The following YARS1 variants were observed in gnomAD, a reference collection of about 807,000 sequenced individuals.
The protein encoded by YARS1 is tyrosine--tRNA ligase, cytoplasmic.
YARS1 carries 36 observed loss-of-function variants against 62.2 expected under a neutral mutation model. That is an observed-to-expected ratio of 0.58 (90% CI 0.44 to 0.76). The LOEUF (loss-of-function observed/expected upper bound fraction) is 0.76. Among genes scored for constraint, YARS1 ranks in the 30% least tolerant of loss-of-function variants. The pLI is 0.00. For synonymous variants in YARS1, 234 were observed against 244.9 expected, an observed-to-expected ratio of 0.96 and a Z score of 0.42; for missense variants, 524 against 639.8, an observed-to-expected ratio of 0.82 and a Z score of 1.95.
intron 4 of YARS1, 194 bp from the exon 5 acceptor site, chr1:32,798,037 A>G (rs1653661691): frequency 1.9e-6 from 1 of 539,754 alleles, no homozygotes; most frequent in African/African-American, 1.9e-5. Flanking sequence ...CGCCCGGCTA[A>G]TTTTTTGTAT....
chr1:32,777,014 A>G (rs1652886063), intron 12 of YARS1, among the ~76,000 whole-genome samples: 2 of 151,176 alleles, frequency 1.3e-5, no homozygotes, highest in East Asian at 3.9e-4. Flanking sequence ...GTAGAATACT[A>G]TACAGTGCAA....
intron 11 of YARS1, 105 bp from the exon 12 acceptor site, chr1:32,779,628 A>T: frequency 6.8e-7 from 1 of 1,468,782 alleles, no homozygotes; most frequent in South Asian, 1.2e-5. Flanking sequence ...GATGGGATTT[A>T]GGGCATCCTC....
At chr1:32,801,310 C>T (rs569229755) in intron 4 of YARS1, among the ~76,000 whole-genome samples, 1 of 152,036 alleles carries the variant, frequency 6.6e-6, no homozygotes, top group Admixed American at 6.6e-5. Flanking sequence ...AATAAAGTGA[C>T]TCACTTGGAT....
At position 32,787,086 on chromosome 1, in the gene YARS1, T is replaced by C. The variant is rs751943571; in HGVS notation, c.685-11A>G. ...ATCAATCTTGGACTCCTAGAAGTCA[T>C]AGAACGGAAGAGGACCTCTTGTGGT... is the stretch of plus-strand genomic sequence containing the variant. On this transcript the variant is annotated splice_polypyrimidine_tract_variant and intron_variant, in intron 6 of 12. Transcript: ENST00000373477. 3.6e-5 allele frequency: 58 copies of C among 1,614,046 alleles called. No homozygotes were observed. The highest frequency in any genetic ancestry group is 6.7e-5 in the African/African-American group (5 of 75,052).
At chr1:32,780,664 C>T (rs1049425517) in intron 10 of YARS1, 5 of 413,572 alleles carry the variant, frequency 1.2e-5, no homozygotes, top group African/African-American at 4.1e-5. Context: ...GGGTGCATAA[C>T]CTTCTGTCTC....
At chr1:32,815,402 T>C (rs1259988254) in intron 1 of YARS1, among the ~76,000 whole-genome samples, 1 of 152,168 alleles carries the variant, frequency 6.6e-6, no homozygotes, top group East Asian at 1.9e-4. Flanking sequence ...CTAATAGTTT[T>C]GTGTATTTTT....
Position 32,797,788 on chromosome 1 carries a change from C to T in YARS1, c.566G>A (p.Arg189Lys), listed in dbSNP as rs1157783472. Residue 189 changes from arginine (R) to lysine (K), a missense_variant, in exon 5 of 13, where the codon AGA becomes AAA. Physicochemically the swap from Arg to Lys is conservative, Grantham distance 26. Transcript: ENST00000373477. Reference protein sequence around the residue: ...VDAQFGGIDQRKIFTFAEKYL... With the variant: ...VDAQFGGIDQKKIFTFAEKYL... ...CTTCTCTGCAAAGGTGAAAATCTTT[C>T]TCTGATCAATGCCTCCAAATTGGGC... is the stretch of plus-strand genomic sequence containing the variant. 6.2e-7 allele frequency: 1 copy of T among 1,614,062 alleles called. No homozygotes were observed. Among genetic ancestry groups the T allele is most frequent in the Admixed American group, 1.7e-5 (1 of 60,016 alleles).
chr1:32,803,279 A>G (rs1638350090), intron 4 of YARS1, among the ~76,000 whole-genome samples: 1 of 147,874 alleles, frequency 6.8e-6, no homozygotes, highest in Non-Finnish European at 1.5e-5. Flanking sequence ...TGCCTGGCCT[A>G]ATTCTTCTTT....
chr1:32,807,580 C>T (rs149551089), intron 3 of YARS1, among the ~76,000 whole-genome samples: 235 of 152,154 alleles, frequency 1.5e-3, no homozygotes, highest in African/African-American at 5.3e-3. Flanking sequence ...ACCTCAACCT[C>T]CAAAGGAACT....
chr1:32,808,495 C>T (rs549232398), intron 3 of YARS1, among the ~76,000 whole-genome samples: 3 of 152,266 alleles, frequency 2.0e-5, no homozygotes, highest in East Asian at 3.9e-4. Flanking sequence ...GCCACCATGC[C>T]TGGCCCTAAA....
intron 4 of YARS1, among the ~76,000 whole-genome samples, chr1:32,803,267 C>G (rs1203205073): frequency 6.6e-6 from 1 of 150,828 alleles, no homozygotes; most frequent in Non-Finnish European, 1.5e-5. Context: ...TGTGAGCCAT[C>G]ATGCCTGGCC....
At chr1:32,781,364 G>C (rs1653051144) in intron 9 of YARS1, 1 of 583,110 alleles carries the variant, frequency 1.7e-6, no homozygotes, top group Admixed American at 2.7e-5. Context: ...GACTAGCGGG[G>C]AGGGAGCAGT....
chr1:32,816,908 G>A, intron 1 of YARS1: 1 of 580,404 alleles, frequency 1.7e-6, no homozygotes, highest in Non-Finnish European at 3.1e-6. Context: ...ACCACGTCTG[G>A]CACTTAATAG....
At chr1:32,785,268 T>C (rs901107329) in intron 8 of YARS1, among the ~76,000 whole-genome samples, 16 of 152,126 alleles carry the variant, frequency 1.1e-4, no homozygotes, top group Non-Finnish European at 1.8e-4. Context: ...AAGACCAGCC[T>C]GGCCAACATG....
chr1:32,806,177 C>G (rs1230055889), intron 4 of YARS1, among the ~76,000 whole-genome samples: 1 of 151,980 alleles, frequency 6.6e-6, no homozygotes, highest in African/African-American at 2.4e-5. Flanking sequence ...TTTGTGGTGC[C>G]CCAAAACAAT....
At position 32,778,863 on chromosome 1, in the gene YARS1, G is replaced by A. The variant is rs563457110; in HGVS notation, c.1476+519C>T. ...AAGTGATTCTCCTGCCTCAGCCTCC[G>A]GAGTAGCTGGGATTACAGGCGCCCA... On this transcript the variant is annotated intron_variant, in intron 12 of 12. Transcript: ENST00000373477. 1.0e-4 allele frequency among the ~76,000 whole-genome samples: 15 copies of A among 150,452 alleles called. No individual in the cohort carries two copies. In the East Asian group the frequency reaches 2.2e-3, roughly 22 times the overall value.
chr1:32,805,835 C>T (rs1170199276), intron 4 of YARS1, among the ~76,000 whole-genome samples: 2 of 152,064 alleles, frequency 1.3e-5, no homozygotes, highest in South Asian at 2.1e-4. Context: ...TGGTGGCAGG[C>T]GCCTGTAATC....
At chr1:32,812,219 C>T (rs1221468069) in intron 1 of YARS1, among the ~76,000 whole-genome samples, 1 of 152,080 alleles carries the variant, frequency 6.6e-6, no homozygotes, top group Non-Finnish European at 1.5e-5. Context: ...CACTATGTTG[C>T]CCAGGCTGGT....
intron 8 of YARS1, among the ~76,000 whole-genome samples, chr1:32,785,990 G>A (rs1394214290): frequency 6.6e-6 from 1 of 151,588 alleles, no homozygotes; most frequent in African/African-American, 2.4e-5. Context: ...GGTTTCTACT[G>A]AATGAGTACT....
Sources: allele counts gnomAD v4.1 joint callset (sites outside exome capture counted in the v4.1 genomes callset), GRCh38; gene constraint gnomAD v4.1.1; transcripts MANE v1.5; gene names NCBI Gene and HGNC (gene_info 2026-07-23, HGNC 2026-07-21).